Variants in FBXO38 observed in about 807,000 individuals in gnomAD.
The protein encoded by FBXO38 is F-box only protein 38.
A neutral mutation model predicts 131.9 loss-of-function variants in FBXO38; 53 were observed. The ratio of observed to expected loss-of-function variants is 0.40; its 90% CI spans 0.32 to 0.51. The LOEUF is 0.51. Among genes scored for constraint, FBXO38 ranks in the 20% least tolerant of loss-of-function variants. FBXO38 has a pLI of 0.53. For missense variants in FBXO38, 1,076 were observed against 1,475.6 expected, an observed-to-expected ratio of 0.73 and a Z score of 4.44; for synonymous variants, 452 against 505.6, an observed-to-expected ratio of 0.89 and a Z score of 1.42.
chr5:148,420,967 A>ATT (rs556069655), intron 12 of FBXO38, among the ~76,000 whole-genome samples: 4 of 145,154 alleles, frequency 2.8e-5, no homozygotes, highest in Non-Finnish European at 3.0e-5. Flanking sequence ...AAGAATTTTA[A>ATT]TTTTTTTTTT....
chr5:148,428,832 G>A (rs1753871091), intron 15 of FBXO38, among the ~76,000 whole-genome samples: 1 of 152,214 alleles, frequency 6.6e-6, no homozygotes, highest in South Asian at 2.1e-4. Context: ...TTATGTGCTA[G>A]TTACCATAGT....
chr5:148,414,042 C>T (rs1349966585), intron 9 of FBXO38, 94 bp from the exon 10 acceptor site: 6 of 1,253,174 alleles, frequency 4.8e-6, no homozygotes, highest in Non-Finnish European at 6.6e-6. Context: ...ATGGTAGAGA[C>T]TTTTTATACT....
chr5:148,391,011 TG>T (rs1189412063), intron 1 of FBXO38, among the ~76,000 whole-genome samples: 1 of 152,184 alleles, frequency 6.6e-6, no homozygotes, highest in Admixed American at 6.5e-5. Context: ...TAACAACTGG[TG>T]GATTGGTCTG....
At chr5:148,440,575 T>G (rs1754620473) in intron 20 of FBXO38, 48 bp downstream of exon 20, 4 of 1,158,692 alleles carry the variant, frequency 3.5e-6, no homozygotes, top group Non-Finnish European at 5.1e-6. Context: ...GTGCAGTACT[T>G]ACCTCTGTAA....
intron 12 of FBXO38, among the ~76,000 whole-genome samples, chr5:148,419,343 C>T (rs1753261564): frequency 6.6e-6 from 1 of 152,006 alleles, no homozygotes; most frequent in South Asian, 2.1e-4. Flanking sequence ...CATGTATACA[C>T]ACACACACAA....
intron 6 of FBXO38, among the ~76,000 whole-genome samples, chr5:148,405,550 CT>C (rs1297497489): frequency 6.6e-6 from 1 of 152,146 alleles, no homozygotes; most frequent in Non-Finnish European, 1.5e-5. Flanking sequence ...ATTCTGACAC[CT>C]TTCCAAGATA....
At chr5:148,440,183 A>T (rs1754593092) in intron 19 of FBXO38, among the ~76,000 whole-genome samples, 1 of 152,220 alleles carries the variant, frequency 6.6e-6, no homozygotes, top group African/African-American at 2.4e-5. Context: ...TAGAAGACAT[A>T]TGCTTAGAAA....
At chr5:148,390,908 TA>T (rs370971568) in intron 1 of FBXO38, among the ~76,000 whole-genome samples, 2,051 of 151,976 alleles carry the variant, frequency 0.013, 47 homozygotes, top group African/African-American at 0.017. Context: ...AAGAAGGGAT[TA>T]AAAAAAAGCT....
At position 148,427,905 on chromosome 5, in the gene FBXO38, G is replaced by A. The variant is rs530698536; in HGVS notation, c.2611G>A (p.Ala871Thr). 3 of 1,537,024 alleles carry A rather than the reference G, an allele frequency of 2.0e-6. No homozygotes were observed. Among genetic ancestry groups the A allele is most frequent in the South Asian group, 2.6e-5 (2 of 77,028 alleles). Residue 871 changes from alanine (A) to threonine (T), a missense_variant, in exon 15 of 22, where the codon GCC becomes ACC. Transcript: ENST00000340253. ...CTACCCTCGGAGGCCCCTAACCAGG[G>A]CCAGGAGCAGACTGTCCCATGTACT... ...EDYPRRPLTR[A>T]RSRLSHVLLV...
At chr5:148,421,177 A>G (rs1753404081) in intron 12 of FBXO38, among the ~76,000 whole-genome samples, 1 of 152,132 alleles carries the variant, frequency 6.6e-6, no homozygotes. Context: ...TGTGTTAGCC[A>G]GGATGGTCTC....
At chr5:148,410,604 A>T (rs1379311480) in intron 8 of FBXO38, 31 bp from the exon 9 acceptor site, 1 of 1,610,754 alleles carries the variant, frequency 6.2e-7, no homozygotes, top group Non-Finnish European at 8.5e-7. Flanking sequence ...TTTTTGTTTT[A>T]CTCTGATATG....
At chr5:148,411,307 T>C (rs1163224871) in intron 9 of FBXO38, among the ~76,000 whole-genome samples, 1 of 152,220 alleles carries the variant, frequency 6.6e-6, no homozygotes, top group African/African-American at 2.4e-5. Flanking sequence ...CCATTTACAA[T>C]TGAGAACTCA....
At chr5:148,430,384 G>C (rs1581289358) in intron 15 of FBXO38, 2 of 151,180 alleles carry the variant, frequency 1.3e-5, no homozygotes, top group East Asian at 3.9e-4. Context: ...AGGCTGGAGT[G>C]CAGTGGCGCG....
intron 18 of FBXO38, among the ~76,000 whole-genome samples, chr5:148,439,378 C>T (rs1406757052): frequency 6.6e-6 from 1 of 152,118 alleles, no homozygotes; most frequent in African/African-American, 2.4e-5. Context: ...AGTTGACTGA[C>T]GTCATTTATC....
In FBXO38 at chr5:148,433,467, G is replaced by C. The variant is rs1561544400; in HGVS notation, c.2697G>C (p.Arg899=). The C allele has an allele frequency of 1.2e-6, 2 of 1,613,944 alleles. No homozygotes were observed. Among genetic ancestry groups the C allele is most frequent in the Non-Finnish European group, 1.7e-6 (2 of 1,179,942 alleles). The change falls in exon 16 of 22, where the codon CGG becomes CGC. Residue 899 remains arginine, a synonymous_variant. Coordinates refer to ENST00000340253, the MANE Select transcript of FBXO38 (RefSeq NM_205836.3). Reference sequence around the variant, plus strand: ...CACGTCACGCCATGAAACGGAAGCGGACAGCAGATAAATCCACTAGTACAA... The same window carrying C: ...CACGTCACGCCATGAAACGGAAGCGCACAGCAGATAAATCCACTAGTACAA... The part of the protein sequence containing the change: ...TKPRHAMKRK[R]TADKSTSTSD...
chr5:148,400,253 G>T (rs1475159886), intron 3 of FBXO38, among the ~76,000 whole-genome samples: 1 of 152,052 alleles, frequency 6.6e-6, no homozygotes, highest in Non-Finnish European at 1.5e-5. Flanking sequence ...GTTTCAGAAT[G>T]ATCCTGTATG....
At chr5:148,414,375 A>G (rs904894619) in intron 10 of FBXO38, 69 bp downstream of exon 10, 23 of 1,274,862 alleles carry the variant, frequency 1.8e-5, no homozygotes, top group South Asian at 2.9e-5. Flanking sequence ...CATGTTTTCT[A>G]TGTGTGATAT....
chr5:148,433,314 T>C, intron 15 of FBXO38, 110 bp from the exon 16 acceptor site: 1 of 727,620 alleles, frequency 1.4e-6, no homozygotes, highest in East Asian at 2.6e-5. Context: ...GGAACCAAAT[T>C]GTAGATTTGG....
chr5:148,427,698 G>A lies in FBXO38; in HGVS notation c.2404G>A (p.Ala802Thr). 7.4e-6 allele frequency: 12 copies of A among 1,614,220 alleles called. No homozygotes were observed. Among genetic ancestry groups the A allele is most frequent in the Non-Finnish European group, 1.0e-5 (12 of 1,180,036 alleles). ...SDEERPSTSR[A>T]CVVNGPDGTR... ...TGAGGAACGTCCTTCAACCAGCCGA[G>A]CCTGTGTTGTGAATGGCCCGGATGG... Residue 802 changes from alanine (A) to threonine (T), a missense_variant, in exon 15 of 22, where the codon GCC (alanine) becomes ACC (threonine). Transcript: ENST00000340253.
Sources: gnomAD v4.1 joint callset for allele counts (sites outside exome capture counted in the v4.1 genomes callset) on GRCh38, gnomAD v4.1.1 for gene constraint, MANE v1.5 for transcripts, NCBI Gene and HGNC (gene_info 2026-07-23, HGNC 2026-07-21) for gene names.